The following NPTN variants were observed in gnomAD, a reference collection of about 807,000 sequenced individuals.
The protein encoded by NPTN is SDR-1.
NPTN carries 5 observed loss-of-function variants against 42.7 expected under a neutral mutation model. The ratio of observed to expected loss-of-function variants is 0.12; its 90% CI spans 0.06 to 0.25. The LOEUF is 0.25. Among genes scored for constraint, NPTN ranks in the 10% least tolerant of loss-of-function variants. The pLI is 1.00. For synonymous variants in NPTN, 180 were observed against 201.9 expected, an observed-to-expected ratio of 0.89 and a Z score of 0.92; for missense variants, 307 against 525.4, an observed-to-expected ratio of 0.58 and a Z score of 4.06.
chr15:73,582,993 T>C (rs1324631144), intron 4 of NPTN, among the ~76,000 whole-genome samples: 2 of 152,310 alleles, frequency 1.3e-5, no homozygotes, highest in African/African-American at 2.4e-5. Flanking sequence ...CTTGTGACCA[T>C]GTAAGTTAAT....
intron 1 of NPTN, among the ~76,000 whole-genome samples, chr15:73,623,308 T>C (rs1381149345): frequency 1.3e-5 from 2 of 152,214 alleles, no homozygotes; most frequent in African/African-American, 2.4e-5. Context: ...GCTACCTTAA[T>C]GGATTCCAAA....
intron 1 of NPTN, among the ~76,000 whole-genome samples, chr15:73,619,712 G>A (rs1187935560): frequency 2.6e-5 from 4 of 152,138 alleles, no homozygotes; most frequent in African/African-American, 7.2e-5. Context: ...AAAGTTCATT[G>A]TAATTACTTT....
At chr15:73,614,035 G>C (rs1398162322) in intron 1 of NPTN, among the ~76,000 whole-genome samples, 1 of 152,040 alleles carries the variant, frequency 6.6e-6, no homozygotes. Context: ...ATTTAAGCCA[G>C]GTGTGGTGGC....
intron 6 of NPTN, chr15:73,567,615 C>A: frequency 1.0e-6 from 1 of 985,286 alleles, no homozygotes; most frequent in Non-Finnish European, 1.2e-6. Flanking sequence ...CACCAAAGAA[C>A]ATTCAACTTT....
intron 1 of NPTN, among the ~76,000 whole-genome samples, chr15:73,605,191 C>T (rs192058155): frequency 7.9e-5 from 12 of 151,492 alleles, no homozygotes; most frequent in Admixed American, 5.9e-4. Context: ...GGGCAGGGCT[C>T]ACACACATCC....
chr15:73,569,114 C>T lies in NPTN; in HGVS notation c.1114+1036G>A. The T allele has an allele frequency of 1.0e-6, 1 of 985,738 alleles. No homozygotes were observed. Among genetic ancestry groups the T allele is most frequent in the Non-Finnish European group, 1.2e-6 (1 of 830,158 alleles). 61.1% of individuals were successfully genotyped at this position (985,738 alleles called of 1,614,324 possible). On this transcript the variant is annotated intron_variant, in intron 6 of 8. Transcript: ENST00000345330. The surrounding 1 kb of genome is among the most constrained non-coding windows in gnomAD (Gnocchi z 4.1). ...CCCCACCATCACCCCGGGTAGGCTA[C>T]CACTGAGCCCAGGGGCACACCCATC...
At chr15:73,595,046 G>C (rs1466906466) in intron 2 of NPTN, among the ~76,000 whole-genome samples, 1 of 151,934 alleles carries the variant, frequency 6.6e-6, no homozygotes, top group Non-Finnish European at 1.5e-5. Flanking sequence ...GAAGTCTGAA[G>C]AGAGTCTAGC....
rs1895343985 is a variant in NPTN, at chr15:73,570,962, A to G, written c.841-539T>C. On this transcript the variant is annotated intron_variant, in intron 5 of 8. Transcript: ENST00000345330. The surrounding 1 kb of genome is among the most constrained non-coding windows in gnomAD (Gnocchi z 4.0). ...TCCTTTCATTTAAGGACTAGAGGTT[A>G]GAGGAAAGGTTATTCAATCAATCAA... Among the ~76,000 whole-genome samples the G allele has an allele frequency of 6.6e-6, 1 of 152,200 alleles. No homozygotes were observed. The highest frequency in any genetic ancestry group is 1.5e-5 in the Non-Finnish European group (1 of 68,032).
At position 73,563,249 on chromosome 15, in the gene NPTN, G is replaced by A. The variant is rs781304142; in HGVS notation, c.1123C>T (p.Pro375Ser). ...RPDEVPDDDE[P>S]AGPMKTNSTN... ...TAAAGTACTTACATTGGTCCAGCTGGTTCATCATCTACATGGTGTTCAGTT... is the reference window on the plus strand; with the variant it reads ...TAAAGTACTTACATTGGTCCAGCTGATTCATCATCTACATGGTGTTCAGTT... Residue 375 changes from proline (P) to serine (S), a missense_variant, in exon 7 of 9, where the codon CCA becomes TCA. Physicochemically the swap from Pro to Ser is moderately conservative, Grantham distance 74. This residue lies in a region of NPTN where 264 missense variants were observed against 491.1 expected (regional missense o/e 0.54). Coordinates refer to ENST00000345330, the MANE Select transcript of NPTN (RefSeq NM_012428.4). 6.2e-7 allele frequency: 1 copy of A among 1,606,276 alleles called. No homozygotes were observed. The highest frequency in any genetic ancestry group is 8.5e-7 in the Non-Finnish European group (1 of 1,173,016).
At chr15:73,595,427 G>C (rs769742206) in intron 2 of NPTN, among the ~76,000 whole-genome samples, 1 of 152,116 alleles carries the variant, frequency 6.6e-6, no homozygotes, top group Non-Finnish European at 1.5e-5. Flanking sequence ...CAGGTTCTTT[G>C]ATTCAACAGT....
chr15:73,589,160 TA>T (rs1345707248), intron 3 of NPTN, among the ~76,000 whole-genome samples: 2 of 151,940 alleles, frequency 1.3e-5, no homozygotes, highest in African/African-American at 4.8e-5. Flanking sequence ...GGCGAAACGC[TA>T]TCTCTACAAG....
intron 6 of NPTN, among the ~76,000 whole-genome samples, chr15:73,564,122 C>G (rs1239184040): frequency 6.6e-6 from 1 of 152,164 alleles, no homozygotes; most frequent in Admixed American, 6.5e-5. Context: ...GCAACTTGAT[C>G]CCCTTTAAGC....
Position 73,602,914 on chromosome 15 carries a change from C to G in NPTN, c.92-5545G>C, listed in dbSNP as rs1897136693. 2.0e-5 allele frequency among the ~76,000 whole-genome samples: 3 copies of G among 152,330 alleles called. No individual in the cohort carries two copies. In the South Asian group the frequency reaches 6.2e-4, roughly 32 times the overall value. ...CACTAGCTTCTAAACCAGGGTCCACCCTTTATTCTGAAATTATACCATTCA... is the reference window on the plus strand; with the variant it reads ...CACTAGCTTCTAAACCAGGGTCCACGCTTTATTCTGAAATTATACCATTCA... On this transcript the variant is annotated intron_variant, in intron 1 of 8. Transcript: ENST00000345330.
chr15:73,629,541 G>GC (rs1195197202), intron 1 of NPTN, among the ~76,000 whole-genome samples: 3 of 151,720 alleles, frequency 2.0e-5, no homozygotes, highest in African/African-American at 7.3e-5. Context: ...TTATTACAAA[G>GC]CACAATGTTC....
At chr15:73,589,184 T>G (rs1007737283) in intron 3 of NPTN, among the ~76,000 whole-genome samples, 1 of 151,760 alleles carries the variant, frequency 6.6e-6, no homozygotes, top group East Asian at 1.9e-4. Flanking sequence ...ATAAAAAAAT[T>G]AGCTGGGCAT....
Position 73,585,167 on chromosome 15 carries a change from T to C in NPTN, c.706+2357A>G, listed in dbSNP as rs1291198186. On this transcript the variant is annotated intron_variant, in intron 4 of 8. Coordinates refer to ENST00000345330, the MANE Select transcript of NPTN (RefSeq NM_012428.4). ...ATATATATGCATGGTCTGAATTACA[T>C]GCCCTGTTGTGCTGATTCAGTTAAA... is the stretch of plus-strand genomic sequence containing the variant. 2.6e-5 allele frequency among the ~76,000 whole-genome samples: 4 copies of C among 152,178 alleles called. No individual in the cohort carries two copies. In the East Asian group the frequency reaches 7.7e-4, roughly 29 times the overall value.
intron 1 of NPTN, among the ~76,000 whole-genome samples, chr15:73,624,180 A>G (rs979217955): frequency 3.3e-5 from 5 of 152,218 alleles, no homozygotes; most frequent in African/African-American, 1.2e-4. Flanking sequence ...TTTGGAGTTC[A>G]ATCCTAGTAG....
At position 73,560,596 on chromosome 15, in the gene NPTN, T is replaced by A. The variant is rs1894604210; in HGVS notation, c.*467A>T. 6.6e-6 allele frequency: 1 copy of A among 150,742 alleles called. No individual in the cohort carries two copies. Among genetic ancestry groups the A allele is most frequent in the Non-Finnish European group, 1.5e-5 (1 of 67,690 alleles). The allele number at this position is 150,742 out of a possible 1,614,324, so 9.3% of individuals were successfully genotyped here. ...AATGAAACAAGCATTTACTTTATTT[T>A]GGATTTCTCCCACCCCCAAAAATAT... On this transcript the variant is annotated 3_prime_UTR_variant, in exon 9 of 9. Coordinates refer to ENST00000345330, the MANE Select transcript of NPTN (RefSeq NM_012428.4).
intron 5 of NPTN, among the ~76,000 whole-genome samples, chr15:73,572,198 G>C (rs1895440963): frequency 6.6e-6 from 1 of 152,140 alleles, no homozygotes; most frequent in Admixed American, 6.5e-5. Context: ...AAAAAAACTA[G>C]ATACAACTCT....
Sources: allele counts gnomAD v4.1 joint callset (sites outside exome capture counted in the v4.1 genomes callset), GRCh38; gene constraint gnomAD v4.1.1; regional missense constraint gnomAD v4.1.1; non-coding constraint Gnocchi (gnomAD v3.1); transcripts MANE v1.5; gene names NCBI Gene and HGNC (gene_info 2026-07-23, HGNC 2026-07-21).